GDF1: variants seen among roughly 807,000 people sequenced by gnomAD.
GDF1 encodes the protein growth differentiation factor 1.
GDF1 carries 8 observed loss-of-function variants against 7.4 expected under a neutral mutation model. That is an observed-to-expected ratio of 1.09 (90% CI 0.64 to 1.96). The LOEUF is 1.96. GDF1 is among the 30% of genes most tolerant of loss of function. The probability of loss-of-function intolerance (pLI) is 0.00; values close to 1 mark genes in which losing one functional copy is unlikely to be tolerated. For synonymous variants in GDF1, 311 were observed against 276.7 expected (o/e 1.12, Z -1.23); for missense variants, 574 against 551.5 (o/e 1.04, Z -0.41).
In GDF1 at chr19:18,895,342, A is replaced by C. The variant is rs2056599102; in HGVS notation, c.-1074+482T>G. ...CGGGCCGGGGCGCAGCCCGCATGGC[A>C]GGGAGGCGCATGGCGCAGGCCGCGG... On this transcript the variant is annotated intron_variant, in intron 1 of 7. Coordinates refer to ENST00000247005, the MANE Select transcript of GDF1 (RefSeq NM_001492.6). The surrounding 1 kb of genome is among the most constrained non-coding windows in gnomAD (Gnocchi z 6.4). Among the ~76,000 whole-genome samples the C allele has an allele frequency of 6.6e-6, 1 of 152,190 alleles. No individual in the cohort carries two copies. The highest frequency in any genetic ancestry group is 2.1e-4 in the South Asian group (1 of 4,836).
At position 18,893,581 on chromosome 19, in the gene GDF1, G is replaced by A. The variant is rs758882078; in HGVS notation, c.-1073-6C>T. On this transcript the variant is annotated splice_polypyrimidine_tract_variant and splice_region_variant and intron_variant, in intron 1 of 7. Coordinates refer to ENST00000247005, the MANE Select transcript of GDF1 (RefSeq NM_001492.6). ...CAGCACCGCTTCGCCAGGGGCTATG[G>A]GGGAGAAGACAGGCGGGCAGCCATT... 3.1e-6 allele frequency: 5 copies of A among 1,605,474 alleles called. No homozygotes were observed. In the African/African-American group the frequency reaches 4.0e-5, roughly 13 times the overall value.
chr19:18,878,565 C>T lies in GDF1; in HGVS notation c.-313+365G>A, dbSNP rs893113774. On this transcript the variant is annotated intron_variant, in intron 6 of 7. Transcript: ENST00000247005. This position sits in a 1 kb window ranked among gnomAD's most constrained non-coding sequence, Gnocchi z 4.6. The stretch of plus-strand genomic sequence containing the variant: ...CCACTGCCACCAGCTCCAGTGGCGA[C>T]ATGGGTCAGAGGTCGTCATCCAGGC... 35 of 1,043,516 alleles carry T rather than the reference C, an allele frequency of 3.4e-5. No individual in the cohort carries two copies. Among genetic ancestry groups the T allele is most frequent in the Non-Finnish European group, 3.7e-5 (32 of 864,690 alleles). 64.6% of individuals were successfully genotyped at this position (1,043,516 alleles called of 1,614,324 possible). A position where few individuals can be genotyped will look rare whatever the true frequency, so the allele number is the denominator to read the frequency against.
intron 2 of GDF1, among the ~76,000 whole-genome samples, chr19:18,888,408 C>T (rs915556917): frequency 1.6e-4 from 24 of 148,990 alleles, no homozygotes; most frequent in Admixed American, 5.4e-4. Flanking sequence ...ATCCCAGCCA[C>T]TCATGAGGCT....
chr19:18,869,128 C>T lies in GDF1; in HGVS notation c.588G>A (p.Ala196=). 1 of 1,097,460 alleles carries T rather than the reference C, an allele frequency of 9.1e-7. No homozygotes were observed. Among genetic ancestry groups the T allele is most frequent in the Non-Finnish European group, 1.1e-6 (1 of 901,146 alleles). The allele number at this position is 1,097,460 out of a possible 1,614,324, so 68.0% of individuals were successfully genotyped here. ...LVPALGPPVR[A]ELLGAAWARN... Reference sequence around the variant, plus strand: ...GAGCCCAAGCGGCGCCCAGCAGCTCCGCGCGCACTGGCGGCCCCAGGGCGG... The same window carrying T: ...GAGCCCAAGCGGCGCCCAGCAGCTCTGCGCGCACTGGCGGCCCCAGGGCGG... Residue 196 remains alanine (A), a synonymous_variant, in exon 8 of 8, where the codon GCG becomes GCA. Transcript: ENST00000247005.
At chr19:18,887,262 C>G (rs1451253573) in intron 2 of GDF1, among the ~76,000 whole-genome samples, 1 of 152,152 alleles carries the variant, frequency 6.6e-6, no homozygotes, top group East Asian at 1.9e-4. Flanking sequence ...CAAAAGGTCA[C>G]ACAGTGTGAG....
At chr19:18,889,881 C>T (rs968825029) in intron 2 of GDF1, among the ~76,000 whole-genome samples, 1 of 152,204 alleles carries the variant, frequency 6.6e-6, no homozygotes, top group African/African-American at 2.4e-5. Context: ...CTTCCTTTCA[C>T]ACCACCTCTA....
Position 18,878,579 on chromosome 19 carries a change from C to T in GDF1, c.-313+351G>A, listed in dbSNP as rs2056109302. The T allele has an allele frequency of 2.7e-6, 3 of 1,097,964 alleles. No individual in the cohort carries two copies. Among genetic ancestry groups the T allele is most frequent in the Non-Finnish European group, 3.3e-6 (3 of 896,120 alleles). The allele number at this position is 1,097,964 out of a possible 1,614,324, so 68.0% of individuals were successfully genotyped here. A position where few individuals can be genotyped will look rare whatever the true frequency, so the allele number is the denominator to read the frequency against. On this transcript the variant is annotated intron_variant, in intron 6 of 7. Transcript: ENST00000247005. The surrounding 1 kb of genome is among the most constrained non-coding windows in gnomAD (Gnocchi z 4.6). ...TCCAGTGGCGACATGGGTCAGAGGT[C>T]GTCATCCAGGCTGGCCAGCAACTAC...
chr19:18,895,785 G>C lies in GDF1; in HGVS notation c.-1074+39C>G, dbSNP rs747912188. 5.3e-6 allele frequency: 6 copies of C among 1,137,788 alleles called. No individual in the cohort carries two copies. The South Asian group carries it at 1.5e-4, about 29-fold the overall frequency. 70.5% of individuals were successfully genotyped at this position (1,137,788 alleles called of 1,614,324 possible). A position where few individuals can be genotyped will look rare whatever the true frequency, so the allele number is the denominator to read the frequency against. On this transcript the variant is annotated intron_variant, in intron 1 of 7. Coordinates refer to ENST00000247005, the MANE Select transcript of GDF1 (RefSeq NM_001492.6). The surrounding 1 kb of genome is among the most constrained non-coding windows in gnomAD (Gnocchi z 6.4). ...AGGTCCCCGGTCCCGGCTTCCCCCA[G>C]TCCGGGGTCCCCTCGTCCCGGCCCC...
At chr19:18,891,279 T>C (rs2056484498) in intron 2 of GDF1, among the ~76,000 whole-genome samples, 1 of 152,172 alleles carries the variant, frequency 6.6e-6, no homozygotes, top group Non-Finnish European at 1.5e-5. Context: ...CTGGGCTCCG[T>C]GCCACCAGGA....
rs769796711 is a variant in GDF1 at position 18,870,218 on chromosome 19, G to A, written c.90C>T (p.Pro30=). 16 of 1,554,628 alleles carry A rather than the reference G, an allele frequency of 1.0e-5. No individual in the cohort carries two copies. The African/African-American group carries it at 2.2e-4, about 21-fold the overall frequency. Residue 30 remains proline, a synonymous_variant, in exon 7 of 8, where the codon CCC becomes CCT. Transcript: ENST00000247005. This position sits in a 1 kb window ranked among gnomAD's most constrained non-coding sequence, Gnocchi z 5.1. ...LLPSLPLTRA[P]VPPGPAAALL... is the part of the protein sequence containing the mutation. Reference sequence around the variant, plus strand: ...GGGCGGCGGCTGGGCCTGGGGGCACGGGGGCGCGGGTCAGGGGCAGCGAGG... The same window carrying A: ...GGGCGGCGGCTGGGCCTGGGGGCACAGGGGCGCGGGTCAGGGGCAGCGAGG...
At chr19:18,871,815 T>A (rs2055975607) in intron 6 of GDF1, among the ~76,000 whole-genome samples, 1 of 152,240 alleles carries the variant, frequency 6.6e-6, no homozygotes, top group South Asian at 2.1e-4. Flanking sequence ...ATTTTGCCTG[T>A]GATCCTTGAG....
Position 18,895,945 on chromosome 19 carries a change from C to A in GDF1, c.-1195G>T. 3 of 1,172,422 alleles carry A rather than the reference C, an allele frequency of 2.6e-6. No homozygotes were observed. The highest frequency in any genetic ancestry group is 4.9e-5 in the East Asian group (1 of 20,544). The allele number at this position is 1,172,422 out of a possible 1,614,324, so 72.6% of individuals were successfully genotyped here. A position where few individuals can be genotyped will look rare whatever the true frequency, so the allele number is the denominator to read the frequency against. On this transcript the variant is annotated 5_prime_UTR_variant, in exon 1 of 8. Coordinates refer to ENST00000247005, the MANE Select transcript of GDF1 (RefSeq NM_001492.6). The surrounding 1 kb of genome is among the most constrained non-coding windows in gnomAD (Gnocchi z 6.4). ...CTCAGCCAGGCCGCGACGCGCCAGC[C>A]CCCAGCCGCAGTCCGTGCAGCCCCG...
chr19:18,890,173 GCTCCAGGCAC>G (rs2056456506), intron 2 of GDF1, among the ~76,000 whole-genome samples: 1 of 152,192 alleles, frequency 6.6e-6, no homozygotes, highest in Non-Finnish European at 1.5e-5. Flanking sequence ...TCTCCTGCCT[GCTCCAGGCAC>G]CTCCAGGCCC....
chr19:18,879,429 C>T (rs746041268), intron 4 of GDF1, 41 bp from the exon 5 acceptor site: 57 of 1,545,992 alleles, frequency 3.7e-5, no homozygotes, highest in Non-Finnish European at 4.3e-5. Context: ...TGGAGGGGGA[C>T]GGTGCCCTAC....
intron 2 of GDF1, among the ~76,000 whole-genome samples, 190 bp from the exon 3 acceptor site, chr19:18,884,457 C>T (rs1034843106): frequency 1.3e-5 from 2 of 151,198 alleles, no homozygotes; most frequent in African/African-American, 2.4e-5. Context: ...CTCCCTCTGT[C>T]GCCCAGGCTG....
In GDF1 at chr19:18,870,831, C is replaced by T. The variant is rs375134261; in HGVS notation, c.-312-212G>A. On this transcript the variant is annotated intron_variant, in intron 6 of 7. Transcript: ENST00000247005. The surrounding 1 kb of genome is among the most constrained non-coding windows in gnomAD (Gnocchi z 5.1). ...AACCTGCCCCGTAGGCACGTATGTC[C>T]CCCCTGGCACCCTGGCACTTCCTCC... 6.6e-6 allele frequency among the ~76,000 whole-genome samples: 1 copy of T among 152,080 alleles called. No homozygotes were observed. Among genetic ancestry groups the T allele is most frequent in the African/African-American group, 2.4e-5 (1 of 41,402 alleles).
chr19:18,884,334 G>A (rs1217706776), intron 2 of GDF1, 67 bp from the exon 3 acceptor site: 2 of 1,475,782 alleles, frequency 1.4e-6, no homozygotes, highest in East Asian at 2.4e-5. Flanking sequence ...CCATGACCCG[G>A]TGACACCCTC....
intron 2 of GDF1, among the ~76,000 whole-genome samples, chr19:18,890,993 G>C (rs533813283): frequency 6.6e-6 from 1 of 151,880 alleles, no homozygotes; most frequent in African/African-American, 2.4e-5. Context: ...GGGTGGTGGC[G>C]CGTGCCTATA....
rs79643693 is a variant in GDF1, at chr19:18,879,314, G to C, written c.-496C>G. ...GAAGAAGAAGTAGAAGGGGATGTCA[G>C]GCACCGTGCGCAGACTGCAGTGACT... On this transcript the variant is annotated 5_prime_UTR_variant, in exon 5 of 8. Coordinates refer to ENST00000247005, the MANE Select transcript of GDF1 (RefSeq NM_001492.6). 2 of 1,611,422 alleles carry C rather than the reference G, an allele frequency of 1.2e-6. No individual in the cohort carries two copies. Among genetic ancestry groups the C allele is most frequent in the East Asian group, 2.2e-5 (1 of 44,812 alleles).
Sources: allele counts gnomAD v4.1 joint callset (sites outside exome capture counted in the v4.1 genomes callset), GRCh38; gene constraint gnomAD v4.1.1; non-coding constraint Gnocchi (gnomAD v3.1); transcripts MANE v1.5; gene names NCBI Gene and HGNC (gene_info 2026-07-23, HGNC 2026-07-21).